TBC1D12: variants seen among roughly 807,000 people sequenced by gnomAD.
TBC1D12 encodes TBC1 domain family, member 12.
In TBC1D12, 56 loss-of-function variants were observed where a neutral mutation model predicts 86.7. The observed-to-expected ratio is 0.65, with a 90% CI of 0.52 to 0.81. The LOEUF (loss-of-function observed/expected upper bound fraction) is 0.81, where lower values mean the gene tolerates loss of function less well. Ranked by LOEUF, TBC1D12 falls within the 30% of genes least tolerant of loss-of-function variation. TBC1D12 has a pLI of 0.00. For synonymous variants in TBC1D12, 421 were observed against 411.7 expected, an observed-to-expected ratio of 1.02 and a Z score of -0.27; for missense variants, 1,023 against 1,038.8, an observed-to-expected ratio of 0.98 and a Z score of 0.21.
chr10:94,518,215 TC>T (rs1440047028), intron 9 of TBC1D12, among the ~76,000 whole-genome samples: 2 of 152,020 alleles, frequency 1.3e-5, no homozygotes, highest in African/African-American at 4.8e-5. Flanking sequence ...TTTTTTCTTT[TC>T]TTTTTCTTTT....
At chr10:94,439,635 G>C (rs760232584) in intron 1 of TBC1D12, among the ~76,000 whole-genome samples, 3 of 152,214 alleles carry the variant, frequency 2.0e-5, no homozygotes, top group Non-Finnish European at 4.4e-5. Context: ...GCAGCAGCTG[G>C]AAACCACAGG....
In TBC1D12 at chr10:94,536,125, T is replaced by C. The variant is rs1319022351; in HGVS notation, c.*3029T>C. Among the ~76,000 whole-genome samples the C allele has an allele frequency of 2.0e-5, 3 of 152,126 alleles. No individual in the cohort carries two copies. On this transcript the variant is annotated 3_prime_UTR_variant, in exon 13 of 13. Coordinates refer to ENST00000225235, the MANE Select transcript of TBC1D12 (RefSeq NM_015188.2). ...TGTATCTTCTCTTGAGCCCAGTATGTAGGAAATATGTGATAATTCACATGG... is the reference window on the plus strand; with the variant it reads ...TGTATCTTCTCTTGAGCCCAGTATGCAGGAAATATGTGATAATTCACATGG...
chr10:94,481,756 C>T (rs1404401112), intron 3 of TBC1D12, among the ~76,000 whole-genome samples: 1 of 150,430 alleles, frequency 6.6e-6, no homozygotes, highest in African/African-American at 2.4e-5. Context: ...ACTTGCCTAA[C>T]TGGCTGAAGA....
chr10:94,438,463 A>G (rs2134086359), intron 1 of TBC1D12, among the ~76,000 whole-genome samples: 1 of 151,998 alleles, frequency 6.6e-6, no homozygotes, highest in East Asian at 1.9e-4. Context: ...GAGAGTAGTG[A>G]AACTGATGCA....
chr10:94,533,149 G>GT lies in TBC1D12; in HGVS notation c.*59dup. ...TAGAAAAAGTGGTTTTTGGATAAAGGTTTTTTGTTTCCTATGTAAAAGGCG... is the reference window on the plus strand; with the variant it reads ...TAGAAAAAGTGGTTTTTGGATAAAGGTTTTTTTGTTTCCTATGTAAAAGGCG... On this transcript the variant is annotated 3_prime_UTR_variant, in exon 13 of 13. Transcript: ENST00000225235. 1 of 1,197,834 alleles carries GT rather than the reference G, an allele frequency of 8.3e-7. No individual in the cohort carries two copies. The highest frequency in any genetic ancestry group is 1.2e-6 in the Non-Finnish European group (1 of 851,786). 74.2% of individuals were successfully genotyped at this position (1,197,834 alleles called of 1,614,324 possible). A position where few individuals can be genotyped will look rare whatever the true frequency, so the allele number is the denominator to read the frequency against.
chr10:94,473,414 T>C (rs1589642434), intron 2 of TBC1D12, among the ~76,000 whole-genome samples: 1 of 150,606 alleles, frequency 6.6e-6, no homozygotes, highest in Non-Finnish European at 1.5e-5. Flanking sequence ...TTTTAAGAGG[T>C]ATGGAACTAT....
chr10:94,521,236 A>C (rs1447901792), intron 9 of TBC1D12, among the ~76,000 whole-genome samples: 20 of 143,130 alleles, frequency 1.4e-4, no homozygotes, highest in African/African-American at 5.1e-4. Flanking sequence ...AAAAAAAAAA[A>C]ACAAAAAAAA....
intron 2 of TBC1D12, among the ~76,000 whole-genome samples, chr10:94,453,879 C>T (rs2055588572): frequency 6.6e-6 from 1 of 152,090 alleles, no homozygotes; most frequent in Non-Finnish European, 1.5e-5. Flanking sequence ...CCTATCTTTG[C>T]TCCATTGTAT....
intron 11 of TBC1D12, among the ~76,000 whole-genome samples, 180 bp downstream of exon 11, chr10:94,522,633 G>A (rs10882469): frequency 0.39 from 59,624 of 151,962 alleles, 12,388 homozygotes; most frequent in East Asian, 0.73. Flanking sequence ...CATGGACTCG[G>A]CTGGGTGTGG....
In TBC1D12 at chr10:94,473,459, G is replaced by C. The variant is rs183929907; in HGVS notation, c.1096-1209G>C. Among the ~76,000 whole-genome samples the C allele has an allele frequency of 4.2e-4, 64 of 152,236 alleles. 1 individual carries two copies. Among genetic ancestry groups the C allele is most frequent in the Admixed American group, 2.9e-3 (44 of 15,296 alleles). On this transcript the variant is annotated intron_variant, in intron 2 of 12. Transcript: ENST00000225235. ...TTTTATGATTGCCCAATTGAGTAAG[G>C]AGAAATAGGCTTTGAGTTGGAAAAG...
chr10:94,507,369 A>G, intron 7 of TBC1D12, 22 bp downstream of exon 7: 4 of 1,578,902 alleles, frequency 2.5e-6, no homozygotes, highest in Non-Finnish European at 3.4e-6. Flanking sequence ...TTTTTTAAAT[A>G]AGAATTTTAG....
chr10:94,459,852 G>A (rs954363000), intron 2 of TBC1D12, among the ~76,000 whole-genome samples: 6 of 152,164 alleles, frequency 3.9e-5, no homozygotes, highest in African/African-American at 1.2e-4. Flanking sequence ...AGTGCCGCAC[G>A]CAGCCACGGT....
intron 1 of TBC1D12, 31 bp from the exon 2 acceptor site, chr10:94,441,865 A>G (rs768928718): frequency 1.9e-6 from 3 of 1,599,426 alleles, no homozygotes; most frequent in South Asian, 1.1e-5. Flanking sequence ...GTTACAAAAA[A>G]CACAATTCAT....
At chr10:94,476,242 A>G (rs1367761260) in intron 3 of TBC1D12, among the ~76,000 whole-genome samples, 1 of 152,102 alleles carries the variant, frequency 6.6e-6, no homozygotes, top group Non-Finnish European at 1.5e-5. Context: ...CAAATAGAAG[A>G]GCATAGAATA....
intron 4 of TBC1D12, among the ~76,000 whole-genome samples, chr10:94,494,920 G>A (rs2134179210): frequency 6.6e-6 from 1 of 152,078 alleles, no homozygotes; most frequent in South Asian, 2.1e-4. Context: ...AGAGTGCAGT[G>A]GTACAATTAT....
At chr10:94,532,730 T>C (rs1589684150) in intron 12 of TBC1D12, among the ~76,000 whole-genome samples, 1 of 152,198 alleles carries the variant, frequency 6.6e-6, no homozygotes, top group East Asian at 1.9e-4. Context: ...AGGATAGCAG[T>C]ATCACTCAAT....
At chr10:94,449,120 CG>C (rs548078279) in intron 2 of TBC1D12, among the ~76,000 whole-genome samples, 296 of 151,972 alleles carry the variant, frequency 1.9e-3, no homozygotes, top group Non-Finnish European at 2.5e-3. Flanking sequence ...TTTGAGGGGA[CG>C]TTTTTTCATT....
At chr10:94,410,561 G>T (rs986748465) in intron 1 of TBC1D12, among the ~76,000 whole-genome samples, 1 of 151,806 alleles carries the variant, frequency 6.6e-6, no homozygotes, top group Admixed American at 6.6e-5. Context: ...TTTGGTTGTT[G>T]TTCTTGACAT....
intron 9 of TBC1D12, 94 bp downstream of exon 9, chr10:94,511,748 G>A: frequency 3.6e-6 from 3 of 839,522 alleles, no homozygotes; most frequent in Middle Eastern, 2.9e-4. Context: ...CCAAATGTCT[G>A]TATTTCTATG....
Sources: allele counts gnomAD v4.1 joint callset (sites outside exome capture counted in the v4.1 genomes callset), GRCh38; gene constraint gnomAD v4.1.1; transcripts MANE v1.5; gene names NCBI Gene and HGNC (gene_info 2026-07-23, HGNC 2026-07-21).